The following CERS1 variants were observed in gnomAD, a reference collection of about 807,000 sequenced individuals.
CERS1 encodes the protein ceramide synthase 1.
A neutral mutation model predicts 35.7 loss-of-function variants in CERS1; 16 were observed. The observed-to-expected ratio is 0.45, with a 90% CI of 0.30 to 0.68. CERS1 has a LOEUF of 0.68. CERS1 is among the 30% of genes least tolerant of loss of function. The pLI, the probability that CERS1 is intolerant of heterozygous loss-of-function variation, is 0.08. For missense variants in CERS1, 454 were observed against 453.9 expected (o/e 1.00, Z 0.00); for synonymous variants, 243 against 201.6 (o/e 1.21, Z -1.74).
In CERS1 at chr19:18,884,073, G is replaced by A. The variant is rs371448103; in HGVS notation, c.590+14C>T. 2.2e-5 allele frequency: 36 copies of A among 1,604,806 alleles called. No individual in the cohort carries two copies. The African/African-American group carries it at 4.1e-4, about 18-fold the overall frequency. ...GCTGTGCCTCGGCCCCCTGCCACCC[G>A]ATCCTGTCCTTACCGGAAGGCGTAG... On this transcript the variant is annotated intron_variant, in intron 3 of 7. Transcript: ENST00000623882.
rs1337989821 is a variant in CERS1 at position 18,870,128 on chromosome 19, C to CG, written c.*448dup. 1 of 1,565,984 alleles carries CG rather than the reference C, an allele frequency of 6.4e-7. No individual in the cohort carries two copies. Among genetic ancestry groups the CG allele is most frequent in the Non-Finnish European group, 8.6e-7 (1 of 1,161,300 alleles). ...GGCGTCGAAACAGGCGCCACATGAC[C>CG]GGGGGAACCGGCCGGAGCCTGGGGG... On this transcript the variant is annotated 3_prime_UTR_variant, in exon 7 of 8. Coordinates refer to ENST00000623882, the MANE Select transcript of CERS1 (RefSeq NM_021267.5). This position sits in a 1 kb window ranked among gnomAD's most constrained non-coding sequence, Gnocchi z 5.1.
intron 2 of CERS1, among the ~76,000 whole-genome samples, chr19:18,892,238 G>C (rs1465363190): frequency 6.6e-6 from 1 of 151,976 alleles, no homozygotes; most frequent in Non-Finnish European, 1.5e-5. Flanking sequence ...GCAAGCCGAG[G>C]GGACCCTCCC....
intron 2 of CERS1, among the ~76,000 whole-genome samples, chr19:18,886,165 AGAGGCC>A (rs1305630069): frequency 2.6e-5 from 4 of 151,756 alleles, no homozygotes; most frequent in Non-Finnish European, 5.9e-5. Context: ...CAGCATTTTG[AGAGGCC>A]GAGGCAGGAG....
intron 6 of CERS1, among the ~76,000 whole-genome samples, chr19:18,873,827 C>T (rs755413483): frequency 2.1e-5 from 3 of 144,180 alleles, no homozygotes; most frequent in African/African-American, 7.8e-5. Context: ...GGTGACAGAG[C>T]GAGACTCTGT....
chr19:18,868,631 T>C lies in CERS1; in HGVS notation c.*1354A>G. 1 of 1,573,504 alleles carries C rather than the reference T, an allele frequency of 6.4e-7. No individual in the cohort carries two copies. Among genetic ancestry groups the C allele is most frequent in the Non-Finnish European group, 8.6e-7 (1 of 1,159,686 alleles). On this transcript the variant is annotated 3_prime_UTR_variant, in exon 8 of 8. Coordinates refer to ENST00000623882, the MANE Select transcript of CERS1 (RefSeq NM_021267.5). ...GCCGCACTCGTCCACCACCATGTCC[T>C]CATACTGCCGCAGCACCACGTTGTC...
intron 6 of CERS1, among the ~76,000 whole-genome samples, chr19:18,875,821 C>CT (rs2056051065): frequency 6.6e-6 from 1 of 152,154 alleles, no homozygotes; most frequent in Non-Finnish European, 1.5e-5. Context: ...AAGACGGAGA[C>CT]TGAGACTGGA....
intron 7 of CERS1, 145 bp downstream of exon 7, chr19:18,869,838 A>AGGTGC (rs1291562002): frequency 1.3e-6 from 1 of 742,804 alleles, no homozygotes; most frequent in African/African-American, 1.7e-5. Flanking sequence ...GGAAAGGGTG[A>AGGTGC]GGTGCGGTGG....
chr19:18,893,936 G>C (rs1485705072), intron 1 of CERS1, among the ~76,000 whole-genome samples: 1 of 151,358 alleles, frequency 6.6e-6, no homozygotes, highest in African/African-American at 2.4e-5. Context: ...AGGGAACATG[G>C]AGGGGGTTAT....
At chr19:18,879,996 C>T (rs1421278343) in intron 4 of CERS1, among the ~76,000 whole-genome samples, 1 of 151,908 alleles carries the variant, frequency 6.6e-6, no homozygotes, top group East Asian at 1.9e-4. Context: ...CCTATCTCAC[C>T]AGGCCCCTCC....
chr19:18,874,019 CT>C (rs1057286637), intron 6 of CERS1, among the ~76,000 whole-genome samples: 35 of 152,040 alleles, frequency 2.3e-4, no homozygotes, highest in African/African-American at 7.7e-4. Flanking sequence ...GGAAAACAGG[CT>C]GATGAGGCCA....
rs897982662 is a variant in CERS1 at position 18,878,606 on chromosome 19, C to A, written c.1010+324G>T. ...TCATCCAGGCTGGCCAGCAACTACT[C>A]CTCACCACCCACAGGGCCCTGGCTC... On this transcript the variant is annotated intron_variant, in intron 6 of 7. Coordinates refer to ENST00000623882, the MANE Select transcript of CERS1 (RefSeq NM_021267.5). The surrounding 1 kb of genome is among the most constrained non-coding windows in gnomAD (Gnocchi z 4.6). The A allele has an allele frequency of 1.9e-5, 22 of 1,157,850 alleles. No homozygotes were observed. The highest frequency in any genetic ancestry group is 4.2e-5 in the Admixed American group (1 of 24,018). The allele number at this position is 1,157,850 out of a possible 1,614,324, so 71.7% of individuals were successfully genotyped here.
intron 4 of CERS1, 27 bp downstream of exon 4, chr19:18,880,247 C>T: frequency 6.5e-7 from 1 of 1,529,444 alleles, no homozygotes; most frequent in Non-Finnish European, 8.8e-7. Flanking sequence ...ACACCTCCCT[C>T]CCTGCCCAGC....
At position 18,878,846 on chromosome 19, in the gene CERS1, G is replaced by T; in HGVS notation, c.1010+84C>A. The stretch of plus-strand genomic sequence containing the variant: ...ATCCGCGTCGGCCTCATCTGCTGCT[G>T]GGTCTTGGGGGCCTGCCCACGAACA... On this transcript the variant is annotated intron_variant, in intron 6 of 7. Transcript: ENST00000623882. This position sits in a 1 kb window ranked among gnomAD's most constrained non-coding sequence, Gnocchi z 4.6. The T allele has an allele frequency of 6.5e-7, 1 of 1,549,882 alleles. No homozygotes were observed.
At chr19:18,874,551 C>A (rs1385635510) in intron 6 of CERS1, among the ~76,000 whole-genome samples, 1 of 152,196 alleles carries the variant, frequency 6.6e-6, no homozygotes, top group Non-Finnish European at 1.5e-5. Context: ...GTGCAGGTCA[C>A]CAGATCCAGA....
At chr19:18,884,296 G>A (rs1217709899) in intron 2 of CERS1, 29 bp from the exon 3 acceptor site, 9 of 1,585,522 alleles carry the variant, frequency 5.7e-6, no homozygotes, top group Non-Finnish European at 7.7e-6. Flanking sequence ...CACAGTCAGG[G>A]CCCTGCGAAG....
intron 6 of CERS1, among the ~76,000 whole-genome samples, chr19:18,876,417 C>T (rs941339396): frequency 1.3e-5 from 2 of 152,128 alleles, no homozygotes; most frequent in Non-Finnish European, 1.5e-5. Context: ...GGTGTGATCA[C>T]GGCTCACTGC....
In CERS1 at chr19:18,878,894, G is replaced by T; in HGVS notation, c.1010+36C>A. ...ACACGCTTGGACGGGTGACACTAAA[G>T]GAGGGAACGCGGGGTGCGGGCCCCT... On this transcript the variant is annotated intron_variant, in intron 6 of 7. Coordinates refer to ENST00000623882, the MANE Select transcript of CERS1 (RefSeq NM_021267.5). The surrounding 1 kb of genome is among the most constrained non-coding windows in gnomAD (Gnocchi z 4.6). 6.2e-7 allele frequency: 1 copy of T among 1,608,448 alleles called. No individual in the cohort carries two copies. The highest frequency in any genetic ancestry group is 8.5e-7 in the Non-Finnish European group (1 of 1,177,882).
chr19:18,893,639 T>C (rs2056552702), intron 1 of CERS1, 64 bp from the exon 2 acceptor site: 1 of 1,509,548 alleles, frequency 6.6e-7, no homozygotes. Context: ...TCCTTTGGGG[T>C]GGGGAAACTG....
intron 2 of CERS1, among the ~76,000 whole-genome samples, chr19:18,892,018 C>G (rs1392438567): frequency 6.6e-6 from 1 of 152,008 alleles, no homozygotes; most frequent in Non-Finnish European, 1.5e-5. Flanking sequence ...CTCAGCCTCC[C>G]AAGTAGCTGA....
Sources: gnomAD v4.1 joint callset for allele counts (sites outside exome capture counted in the v4.1 genomes callset) on GRCh38, gnomAD v4.1.1 for gene constraint, Gnocchi (gnomAD v3.1) non-coding constraint, MANE v1.5 for transcripts, NCBI Gene and HGNC (gene_info 2026-07-23, HGNC 2026-07-21) for gene names.